KDM2B: variants seen among roughly 807,000 people sequenced by gnomAD.
KDM2B encodes lysine demethylase 2B, also known as lysine-specific demethylase 2B.
KDM2B carries 26 observed loss-of-function variants against 150.0 expected under a neutral mutation model. The observed-to-expected ratio is 0.17, with a 90% CI of 0.13 to 0.24. The LOEUF (loss-of-function observed/expected upper bound fraction) is 0.24, where lower values mean the gene tolerates loss of function less well. KDM2B is among the 10% of genes least tolerant of loss of function. The pLI is 1.00. For missense variants in KDM2B, 1,265 were observed against 1,816.9 expected (o/e 0.70, Z 5.52); for synonymous variants, 734 against 729.5 (o/e 1.01, Z -0.10).
chr12:121,549,683 C>T lies in KDM2B; in HGVS notation c.398-45G>A. On this transcript the variant is annotated intron_variant, in intron 4 of 22. Coordinates refer to ENST00000377071, the MANE Select transcript of KDM2B (RefSeq NM_032590.5). This position sits in a 1 kb window ranked among gnomAD's most constrained non-coding sequence, Gnocchi z 4.4. ...ACTGGTTGTTCCTGCCGGCTTAAGG[C>T]TCCAGATCCTACATGGGAGCCCCTC... is the stretch of plus-strand genomic sequence containing the variant. 1 of 1,507,956 alleles carries T rather than the reference C, an allele frequency of 6.6e-7. No individual in the cohort carries two copies. The highest frequency in any genetic ancestry group is 1.4e-5 in the African/African-American group (1 of 72,238). The allele number at this position is 1,507,956 out of a possible 1,614,324, so 93.4% of individuals were successfully genotyped here.
intron 11 of KDM2B, among the ~76,000 whole-genome samples, chr12:121,495,714 T>C (rs1405497413): frequency 1.3e-5 from 2 of 152,196 alleles, no homozygotes; most frequent in Admixed American, 6.5e-5. Context: ...CAGACCTTGA[T>C]GCCTTCATAG....
Position 121,513,049 on chromosome 12 carries a change from G to A in KDM2B, c.1174+227C>T, listed in dbSNP as rs553161359. Among the ~76,000 whole-genome samples the A allele has an allele frequency of 3.3e-5, 5 of 152,376 alleles. No homozygotes were observed. The highest frequency in any genetic ancestry group is 4.1e-4 in the South Asian group (2 of 4,826). On this transcript the variant is annotated intron_variant, in intron 10 of 22. Transcript: ENST00000377071. This position sits in a 1 kb window ranked among gnomAD's most constrained non-coding sequence, Gnocchi z 5.0. ...TGCATCTACACAGCCATGGGCTGGAGGCCACACACGTGACTCTTTTGGGGA... is the reference window on the plus strand; with the variant it reads ...TGCATCTACACAGCCATGGGCTGGAAGCCACACACGTGACTCTTTTGGGGA...
At chr12:121,562,237 C>T (rs1890392213) in intron 4 of KDM2B, among the ~76,000 whole-genome samples, 1 of 151,536 alleles carries the variant, frequency 6.6e-6, no homozygotes, top group Non-Finnish European at 1.5e-5. Flanking sequence ...AATCCCAGCT[C>T]TTTGGGAGGC....
intron 8 of KDM2B, among the ~76,000 whole-genome samples, chr12:121,530,193 A>C (rs1460897686): frequency 3.5e-5 from 5 of 142,120 alleles, no homozygotes; most frequent in African/African-American, 1.1e-4. Flanking sequence ...GCGCCACTGC[A>C]CTCCAGCCTG....
At chr12:121,581,832 G>A (rs1891976895), upstream of KDM2B, among the ~76,000 whole-genome samples, 1 of 152,116 alleles carries the variant, frequency 6.6e-6, no homozygotes, top group African/African-American at 2.4e-5. Context: ...GAGATACGAT[G>A]TCACTATCAG....
In KDM2B at chr12:121,533,004, C is replaced by A; in HGVS notation, c.778-45G>T. On this transcript the variant is annotated intron_variant, in intron 7 of 22. Transcript: ENST00000377071. The surrounding 1 kb of genome is among the most constrained non-coding windows in gnomAD (Gnocchi z 4.1). ...AGTCAGCTGGAGACCCAGGCCCAGA[C>A]AAGACCCAGAGAGAGGGCCCCACCT... 1.2e-6 allele frequency: 2 copies of A among 1,609,486 alleles called. No individual in the cohort carries two copies. Among genetic ancestry groups the A allele is most frequent in the Non-Finnish European group, 1.7e-6 (2 of 1,177,228 alleles).
At chr12:121,416,329 C>G in the KDM2B span, 3 of 1,613,992 alleles carry the variant, frequency 1.9e-6, no homozygotes, top group Non-Finnish European at 2.5e-6. Flanking sequence ...AAGGGCCCAA[C>G]ATAGTTTGTA....
At chr12:121,422,460 T>C in the KDM2B span, among the ~76,000 whole-genome samples, 1 of 152,224 alleles carries the variant, frequency 6.6e-6, no homozygotes, top group Admixed American at 6.5e-5. Context: ...CCTTCTCCAT[T>C]GGCATATCTG....
At chr12:121,443,402 CT>C (rs1875531487) in intron 17 of KDM2B, 5 of 580,512 alleles carry the variant, frequency 8.6e-6, no homozygotes, top group Non-Finnish European at 1.2e-5. Flanking sequence ...CTGGCGCCAC[CT>C]TGTGGCTGGT....
At chr12:121,546,739 T>G (rs1235271536) in intron 6 of KDM2B, among the ~76,000 whole-genome samples, 2 of 149,054 alleles carry the variant, frequency 1.3e-5, no homozygotes, top group African/African-American at 5.0e-5. Flanking sequence ...ATGCTCTCAT[T>G]CTGTCACCCA....
chr12:121,466,614 C>T, intron 12 of KDM2B, among the ~76,000 whole-genome samples: 1 of 151,200 alleles, frequency 6.6e-6, no homozygotes, highest in East Asian at 1.9e-4. Flanking sequence ...CTGCCCACGG[C>T]GGGCGGCGGG....
chr12:121,572,321 T>G (rs1043119624), intron 4 of KDM2B, among the ~76,000 whole-genome samples: 2 of 152,172 alleles, frequency 1.3e-5, no homozygotes, highest in African/African-American at 4.8e-5. Flanking sequence ...ACACTAGAAG[T>G]CAAACCCAAA....
intron 12 of KDM2B, among the ~76,000 whole-genome samples, chr12:121,461,189 T>C (rs1879067895): frequency 6.6e-6 from 1 of 152,112 alleles, no homozygotes; most frequent in South Asian, 2.1e-4. Context: ...GGAGTGGGGT[T>C]ACGAAGTGGA....
chr12:121,514,530 G>T (rs114190131), intron 9 of KDM2B, among the ~76,000 whole-genome samples: 85 of 151,732 alleles, frequency 5.6e-4, no homozygotes, highest in African/African-American at 2.0e-3. Context: ...CCCACACGGG[G>T]CCTCTCCTGC....
intron 6 of KDM2B, among the ~76,000 whole-genome samples, chr12:121,536,810 T>C (rs113224558): frequency 0.011 from 1,628 of 152,046 alleles, 22 homozygotes; most frequent in African/African-American, 0.035. Flanking sequence ...AGCCCGCGGG[T>C]ACCCACAGCA....
At chr12:121,478,868 G>GTTTGTTTGTT (rs1437749986) in intron 12 of KDM2B, among the ~76,000 whole-genome samples, 1 of 142,904 alleles carries the variant, frequency 7.0e-6, no homozygotes, top group South Asian at 2.3e-4. Flanking sequence ...TTGTTTGTTT[G>GTTTGTTTGTT]TGTGTGTGTG....
At position 121,549,678 on chromosome 12, in the gene KDM2B, T is replaced by C; in HGVS notation, c.398-40A>G. ...CACACACTGGTTGTTCCTGCCGGCTTAAGGCTCCAGATCCTACATGGGAGC... is the reference window on the plus strand; with the variant it reads ...CACACACTGGTTGTTCCTGCCGGCTCAAGGCTCCAGATCCTACATGGGAGC... On this transcript the variant is annotated intron_variant, in intron 4 of 22. Coordinates refer to ENST00000377071, the MANE Select transcript of KDM2B (RefSeq NM_032590.5). The surrounding 1 kb of genome is among the most constrained non-coding windows in gnomAD (Gnocchi z 4.4). 1 of 1,518,798 alleles carries C rather than the reference T, an allele frequency of 6.6e-7. No individual in the cohort carries two copies. The highest frequency in any genetic ancestry group is 8.9e-7 in the Non-Finnish European group (1 of 1,124,052). 94.1% of individuals were successfully genotyped at this position (1,518,798 alleles called of 1,614,324 possible).
At chr12:121,524,677 C>T (rs1435738888) in intron 8 of KDM2B, 3 of 454,292 alleles carry the variant, frequency 6.6e-6, no homozygotes, top group Non-Finnish European at 1.3e-5. Flanking sequence ...CATCCATACC[C>T]CTCCTCCGAT....
downstream of KDM2B, among the ~76,000 whole-genome samples, chr12:121,425,091 C>T (rs1369154660): frequency 6.6e-6 from 1 of 152,110 alleles, no homozygotes; most frequent in African/African-American, 2.4e-5. Context: ...GCGGGTGGAT[C>T]ATGAGGTCAA....
Sources: gnomAD v4.1 joint callset for allele counts (sites outside exome capture counted in the v4.1 genomes callset) on GRCh38, gnomAD v4.1.1 for gene constraint, Gnocchi (gnomAD v3.1) non-coding constraint, MANE v1.5 for transcripts, NCBI Gene and HGNC (gene_info 2026-07-23, HGNC 2026-07-21) for gene names.